Variants in MAGI2 observed in about 807,000 individuals in gnomAD.
MAGI2 encodes the protein membrane associated guanylate kinase, WW and PDZ domain containing 2.
Under a neutral mutation model 133.3 loss-of-function variants are expected in MAGI2, and 35 were observed. The ratio of observed to expected loss-of-function variants is 0.26; its 90% CI spans 0.20 to 0.35. The LOEUF (loss-of-function observed/expected upper bound fraction) is 0.35. Ranked by LOEUF, MAGI2 falls within the 10% of genes least tolerant of loss-of-function variation. The pLI is 1.00. For synonymous variants in MAGI2, 729 were observed against 710.6 expected, an observed-to-expected ratio of 1.03 and a Z score of -0.41; for missense variants, 1,636 against 1,863.4, an observed-to-expected ratio of 0.88 and a Z score of 2.25.
At position 79,347,699 on chromosome 7, in the gene MAGI2, A is replaced by G. The variant is rs140066955; in HGVS notation, c.301+105321T>C. On this transcript the variant is annotated intron_variant, in intron 1 of 21. Coordinates refer to ENST00000354212, the MANE Select transcript of MAGI2 (RefSeq NM_012301.4). Reference sequence around the variant, plus strand: ...ATATATCATACTAAGAAGATTCCTTACAGATATACTCTGTTTGTCTTTTTG... The same window carrying G: ...ATATATCATACTAAGAAGATTCCTTGCAGATATACTCTGTTTGTCTTTTTG... Among the ~76,000 whole-genome samples, 190 of 151,970 alleles carry G rather than the reference A, an allele frequency of 1.3e-3. 1 individual carries two copies. The highest frequency in any genetic ancestry group is 4.3e-3 in the African/African-American group (179 of 41,468).
At chr7:78,494,329 C>T (rs1584388686) in intron 5 of MAGI2, among the ~76,000 whole-genome samples, 1 of 152,028 alleles carries the variant, frequency 6.6e-6, no homozygotes. Flanking sequence ...TTTTTAGAAA[C>T]CTGATTCATA....
rs369326391 is a variant in MAGI2 at position 78,898,943 on chromosome 7, C to T, written c.418+108147G>A. 7.9e-5 allele frequency among the ~76,000 whole-genome samples: 12 copies of T among 152,120 alleles called. No homozygotes were observed. In the East Asian group the frequency reaches 9.7e-4, roughly 12 times the overall value. ...TACTACATAATAATATGTTATTGCA[C>T]GTATTTTTTCAACTCCTCATTCAAT... On this transcript the variant is annotated intron_variant, in intron 2 of 21. Coordinates refer to ENST00000354212, the MANE Select transcript of MAGI2 (RefSeq NM_012301.4).
At chr7:79,264,887 G>A (rs1322503397) in intron 1 of MAGI2, among the ~76,000 whole-genome samples, 2 of 151,718 alleles carry the variant, frequency 1.3e-5, no homozygotes, top group Admixed American at 6.6e-5. Flanking sequence ...GAGAGCGCAC[G>A]AGCACACGCC....
chr7:78,654,617 C>T lies in MAGI2; in HGVS notation c.419-27378G>A, dbSNP rs547383102. Among the ~76,000 whole-genome samples the T allele has an allele frequency of 3.8e-4, 57 of 149,790 alleles. No individual in the cohort carries two copies. The East Asian group carries it at 8.1e-3, about 21-fold the overall frequency. On this transcript the variant is annotated intron_variant, in intron 2 of 21. Coordinates refer to ENST00000354212, the MANE Select transcript of MAGI2 (RefSeq NM_012301.4). Reference sequence around the variant, plus strand: ...CCCCTACCTAACAGATGTTACTAGCCCATAGCCCCATTTCGAGTTAATACA... The same window carrying T: ...CCCCTACCTAACAGATGTTACTAGCTCATAGCCCCATTTCGAGTTAATACA...
intron 1 of MAGI2, among the ~76,000 whole-genome samples, chr7:79,062,077 T>C (rs1312693515): frequency 1.3e-5 from 2 of 152,116 alleles, no homozygotes; most frequent in African/African-American, 4.8e-5. Flanking sequence ...TTGATTACAA[T>C]TGCCACCCTA....
chr7:79,006,268 T>C (rs544772924), intron 2 of MAGI2, among the ~76,000 whole-genome samples: 2 of 152,318 alleles, frequency 1.3e-5, no homozygotes, highest in South Asian at 4.1e-4. Context: ...TTTGAATTTA[T>C]TTAGAACGGA....
At chr7:78,778,959 T>C (rs1347464032) in intron 2 of MAGI2, among the ~76,000 whole-genome samples, 1 of 142,056 alleles carries the variant, frequency 7.0e-6, no homozygotes, top group Non-Finnish European at 1.5e-5. Context: ...CAGGCTGGAG[T>C]GCAGTGGTGT....
chr7:78,473,243 C>T (rs1484879267), intron 6 of MAGI2, among the ~76,000 whole-genome samples: 4 of 152,074 alleles, frequency 2.6e-5, no homozygotes, highest in Non-Finnish European at 1.5e-5. Flanking sequence ...TATTTTTCAA[C>T]TGACCTGCAA....
At chr7:78,049,577 A>G (rs573631302) in intron 21 of MAGI2, among the ~76,000 whole-genome samples, 1 of 152,254 alleles carries the variant, frequency 6.6e-6, no homozygotes, top group South Asian at 2.1e-4. Context: ...TGCAGACAGA[A>G]TTGCAGTCCT....
intron 2 of MAGI2, among the ~76,000 whole-genome samples, chr7:78,993,159 T>C (rs1028872001): frequency 1.3e-5 from 2 of 152,036 alleles, no homozygotes; most frequent in Non-Finnish European, 2.9e-5. Context: ...ACTATCCTAG[T>C]TTTCTAAAGA....
intron 9 of MAGI2, among the ~76,000 whole-genome samples, chr7:78,272,065 T>C (rs1208386818): frequency 6.6e-6 from 1 of 152,220 alleles, no homozygotes; most frequent in Non-Finnish European, 1.5e-5. Flanking sequence ...TTTCTTGCTT[T>C]CTCTTGCGGG....
intron 2 of MAGI2, among the ~76,000 whole-genome samples, chr7:78,779,823 C>T (rs1563496241): frequency 6.6e-6 from 1 of 152,208 alleles, no homozygotes; most frequent in Non-Finnish European, 1.5e-5. Context: ...ACATCCCTTT[C>T]AATCCCCATG....
At chr7:79,027,822 TA>T (rs931773065) in intron 1 of MAGI2, among the ~76,000 whole-genome samples, 28 of 152,026 alleles carry the variant, frequency 1.8e-4, no homozygotes, top group African/African-American at 5.3e-4. Flanking sequence ...TAGAATAATT[TA>T]AAAAAAATCA....
intron 9 of MAGI2, among the ~76,000 whole-genome samples, chr7:78,325,942 T>C (rs1788537790): frequency 6.6e-6 from 1 of 152,250 alleles, no homozygotes. Flanking sequence ...TGTTTGATCA[T>C]GTTGCTCCCC....
chr7:78,039,327 G>A (rs1469346728), intron 21 of MAGI2, among the ~76,000 whole-genome samples: 4 of 152,242 alleles, frequency 2.6e-5, no homozygotes, highest in African/African-American at 7.2e-5. Flanking sequence ...AAAGGTGCCA[G>A]TGTGGGGCTG....
chr7:78,678,420 A>G (rs2151089253), intron 2 of MAGI2, among the ~76,000 whole-genome samples: 1 of 152,246 alleles, frequency 6.6e-6, no homozygotes, highest in Middle Eastern at 3.4e-3. Context: ...TATTACATGT[A>G]TAACTCATTT....
intron 4 of MAGI2, among the ~76,000 whole-genome samples, chr7:78,516,529 T>C (rs1796058038): frequency 6.6e-6 from 1 of 152,128 alleles, no homozygotes; most frequent in South Asian, 2.1e-4. Context: ...ATTTTTATAT[T>C]TTTTGTAGAC....
intron 6 of MAGI2, among the ~76,000 whole-genome samples, chr7:78,439,947 G>A (rs1309780248): frequency 2.0e-5 from 3 of 151,982 alleles, no homozygotes; most frequent in African/African-American, 4.8e-5. Context: ...AGTGCCACAA[G>A]AGAATATTTT....
At chr7:79,412,622 G>C (rs1457595385) in intron 1 of MAGI2, 2 of 152,128 alleles carry the variant, frequency 1.3e-5, no homozygotes, top group Non-Finnish European at 2.9e-5. Context: ...ACAGAGGGCT[G>C]ATCCTGAACA....
Sources: allele counts gnomAD v4.1 joint callset (sites outside exome capture counted in the v4.1 genomes callset), GRCh38; gene constraint gnomAD v4.1.1; transcripts MANE v1.5; gene names NCBI Gene and HGNC (gene_info 2026-07-23, HGNC 2026-07-21).